The following MAST2 variants were observed in gnomAD, a reference collection of about 807,000 sequenced individuals.
MAST2 encodes the protein microtubule associated serine/threonine kinase 2.
MAST2 carries 70 observed loss-of-function variants against 147.4 expected under a neutral mutation model. The ratio of observed to expected loss-of-function variants is 0.47; its 90% CI spans 0.39 to 0.58. The LOEUF is 0.58. Ranked by LOEUF, MAST2 falls within the 20% of genes least tolerant of loss-of-function variation. MAST2 has a pLI of 0.00. For missense variants in MAST2, 2,080 were observed against 2,302.3 expected (o/e 0.90, Z 1.98); for synonymous variants, 869 against 896.8 (o/e 0.97, Z 0.55).
In MAST2 at chr1:46,023,009, G is replaced by A; in HGVS notation, c.1485+38G>A. 2 of 1,578,104 alleles carry A rather than the reference G, an allele frequency of 1.3e-6. No individual in the cohort carries two copies. The highest frequency in any genetic ancestry group is 1.7e-6 in the Non-Finnish European group (2 of 1,148,296). On this transcript the variant is annotated intron_variant, in intron 13 of 28. Coordinates refer to ENST00000361297, the MANE Select transcript of MAST2 (RefSeq NM_015112.3). The surrounding 1 kb of genome is among the most constrained non-coding windows in gnomAD (Gnocchi z 4.9). ...AGCTCCTACCCCATTCCTGGAGCCT[G>A]GGCCCTATGAAGCAAAGAGCTATGA...
At chr1:45,977,040 A>T (rs1257434265) in intron 5 of MAST2, among the ~76,000 whole-genome samples, 1 of 152,264 alleles carries the variant, frequency 6.6e-6, no homozygotes, top group East Asian at 1.9e-4. Context: ...TTCACAAGAA[A>T]ATCAATTCCA....
chr1:46,011,956 T>C (rs1645732713), intron 10 of MAST2, among the ~76,000 whole-genome samples: 1 of 152,226 alleles, frequency 6.6e-6, no homozygotes, highest in Admixed American at 6.5e-5. Context: ...AAGACATAAT[T>C]AGTCCAGTGG....
chr1:45,944,752 A>G (rs1657797749), intron 4 of MAST2, among the ~76,000 whole-genome samples: 1 of 152,144 alleles, frequency 6.6e-6, no homozygotes, highest in Non-Finnish European at 1.5e-5. Flanking sequence ...ATTTGCCATC[A>G]TGGTATTTCC....
intron 3 of MAST2, among the ~76,000 whole-genome samples, chr1:45,844,355 T>C (rs1177935694): frequency 6.6e-6 from 1 of 152,172 alleles, no homozygotes; most frequent in Non-Finnish European, 1.5e-5. Context: ...GTGCAGTGAC[T>C]CACTGCAACC....
chr1:45,862,753 C>T lies in MAST2; in HGVS notation c.469-19611C>T, dbSNP rs74925092. Among the ~76,000 whole-genome samples, 1,018 of 152,226 alleles carry T rather than the reference C, an allele frequency of 6.7e-3. 13 individuals carry two copies. Among genetic ancestry groups the T allele is most frequent in the African/African-American group, 0.024 (980 of 41,530 alleles). Reference sequence around the variant, plus strand: ...CCAAAGTGCTGGGTGAGCCACTGCACCTGGCCAGGTTGAAGATTTTTAAGC... The same window carrying T: ...CCAAAGTGCTGGGTGAGCCACTGCATCTGGCCAGGTTGAAGATTTTTAAGC... On this transcript the variant is annotated intron_variant, in intron 3 of 28. Coordinates refer to ENST00000361297, the MANE Select transcript of MAST2 (RefSeq NM_015112.3).
Position 46,035,964 on chromosome 1 carries a change from C to T in MAST2, c.5295C>T (p.Thr1765=), listed in dbSNP as rs1646890248. The change falls in exon 29 of 29, where the codon ACC becomes ACT. Residue 1765 remains threonine, a synonymous_variant. Coordinates refer to ENST00000361297, the MANE Select transcript of MAST2 (RefSeq NM_015112.3). The surrounding 1 kb of genome is among the most constrained non-coding windows in gnomAD (Gnocchi z 5.5). ...QDVPCRGCPL[T]QKSEPSLRRG... is the part of the protein sequence containing the mutation. The stretch of plus-strand genomic sequence containing the variant: ...TTCCATGCCGAGGCTGCCCCCTCAC[C>T]CAGAAGTCTGAGCCCAGCCTCAGGA... 5 of 1,613,920 alleles carry T rather than the reference C, an allele frequency of 3.1e-6. No homozygotes were observed. Among genetic ancestry groups the T allele is most frequent in the Non-Finnish European group, 4.2e-6 (5 of 1,180,032 alleles).
At chr1:45,921,405 C>G (rs1226571181) in intron 4 of MAST2, among the ~76,000 whole-genome samples, 3 of 152,148 alleles carry the variant, frequency 2.0e-5, no homozygotes, top group Non-Finnish European at 2.9e-5. Flanking sequence ...TTTGTTTGCT[C>G]AGGCCTGCTG....
chr1:46,032,560 G>A (rs1246997048), intron 25 of MAST2, 36 bp from the exon 26 acceptor site: 2 of 1,609,574 alleles, frequency 1.2e-6, no homozygotes, highest in Admixed American at 3.3e-5. Flanking sequence ...TTCGTGTTCA[G>A]GCTCCAGTCT....
chr1:46,022,168 T>G, intron 12 of MAST2, 86 bp downstream of exon 12: 1 of 1,557,962 alleles, frequency 6.4e-7, no homozygotes, highest in Non-Finnish European at 8.7e-7. Flanking sequence ...AAAAGAGACT[T>G]AGCTTGGACA....
chr1:45,912,417 C>A (rs1039277628), intron 4 of MAST2, among the ~76,000 whole-genome samples: 7 of 151,634 alleles, frequency 4.6e-5, no homozygotes, highest in Non-Finnish European at 7.4e-5. Flanking sequence ...CTAATATTTT[C>A]TTTTCTATTC....
intron 2 of MAST2, among the ~76,000 whole-genome samples, chr1:45,827,260 T>G (rs1347044186): frequency 2.6e-5 from 4 of 152,224 alleles, no homozygotes; most frequent in African/African-American, 7.2e-5. Context: ...GAATAGTAAT[T>G]AGAATTTTTA....
At chr1:45,822,012 C>T (rs550762955) in intron 1 of MAST2, among the ~76,000 whole-genome samples, 7 of 150,786 alleles carry the variant, frequency 4.6e-5, no homozygotes, top group East Asian at 3.9e-4. Flanking sequence ...CCTCAGCCTC[C>T]CAAGTAGCTG....
chr1:45,815,965 A>T (rs909434481), intron 1 of MAST2, among the ~76,000 whole-genome samples: 3 of 152,154 alleles, frequency 2.0e-5, no homozygotes, highest in Non-Finnish European at 4.4e-5. Flanking sequence ...TCAAACCCCA[A>T]TGTAGTCCTT....
chr1:45,886,217 T>C (rs888614713), intron 4 of MAST2, among the ~76,000 whole-genome samples: 3 of 148,594 alleles, frequency 2.0e-5, no homozygotes, highest in South Asian at 4.2e-4. Context: ...GATAGATCGA[T>C]AAATATATAT....
rs781477394 is a variant in MAST2 at position 45,816,377 on chromosome 1, C to A, written c.178-8056C>A. Among the ~76,000 whole-genome samples, 47 of 152,256 alleles carry A rather than the reference C, an allele frequency of 3.1e-4. 1 individual carries two copies. The Middle Eastern group carries it at 0.034, about 110-fold the overall frequency. On this transcript the variant is annotated intron_variant, in intron 1 of 28. Transcript: ENST00000361297. ...TGACAAATACCCACAAGCGTTAAGA[C>A]CATTCAGGAAAACATGACATCACCA...
intron 5 of MAST2, among the ~76,000 whole-genome samples, chr1:45,968,040 C>G (rs1451445141): frequency 2.0e-5 from 3 of 152,214 alleles, no homozygotes; most frequent in African/African-American, 7.2e-5. Context: ...TAAGCACCAA[C>G]ATGAACCTCA....
intron 5 of MAST2, among the ~76,000 whole-genome samples, chr1:45,982,489 A>C (rs1411285858): frequency 6.6e-6 from 1 of 152,232 alleles, no homozygotes; most frequent in Non-Finnish European, 1.5e-5. Context: ...CTATGTAATG[A>C]AAATTAAAAC....
At position 45,804,013 on chromosome 1, in the gene MAST2, C is replaced by T; in HGVS notation, c.118C>T (p.Pro40Ser). The T allele has an allele frequency of 8.3e-7, 1 of 1,205,280 alleles. No homozygotes were observed. The highest frequency in any genetic ancestry group is 3.2e-5 in the East Asian group (1 of 31,348). The allele number at this position is 1,205,280 out of a possible 1,614,324, so 74.7% of individuals were successfully genotyped here. A position where few individuals can be genotyped will look rare whatever the true frequency, so the allele number is the denominator to read the frequency against. The change falls in exon 1 of 29, where the codon CCC becomes TCC. Residue 40 changes from proline (P) to serine (S), a missense_variant. Transcript: ENST00000361297. Reference protein sequence around the residue: ...QSLPPRRRAPPGRQRLEERTG... With the variant: ...QSLPPRRRAPSGRQRLEERTG... ...TTTGCCGCCGCGCCGGCGAGCGCCG[C>T]CCGGGAGGCAGCGGCTGGAGGAGCG...
At chr1:46,029,715 T>C in intron 19 of MAST2, 116 bp from the exon 20 acceptor site, 5 of 1,420,996 alleles carry the variant, frequency 3.5e-6, no homozygotes, top group Non-Finnish European at 4.8e-6. Context: ...AAAGGGAAGA[T>C]GCTTGAGCTG....
Sources: gnomAD v4.1 joint callset for allele counts (sites outside exome capture counted in the v4.1 genomes callset) on GRCh38, gnomAD v4.1.1 for gene constraint, Gnocchi (gnomAD v3.1) non-coding constraint, MANE v1.5 for transcripts, NCBI Gene and HGNC (gene_info 2026-07-23, HGNC 2026-07-21) for gene names.